SLC9D1: variants seen among roughly 807,000 people sequenced by gnomAD.
The protein encoded by SLC9D1 is putative LAG1-interacting protein.
At chr13:113,529,446 C>T in the SLC9D1 span, 5,122 of 152,038 alleles carry the variant, frequency 0.034, 121 homozygotes, top group Middle Eastern at 0.088. Flanking sequence ...GTCAGGAGAT[C>T]GAGACCATCC....
chr13:113,530,445 T>C, the SLC9D1 span: 1 of 152,204 alleles, frequency 6.6e-6, no homozygotes, highest in Admixed American at 6.5e-5. Context: ...ACTAGAAATA[T>C]ATATATGTAT....
the SLC9D1 span, among the ~76,000 whole-genome samples, chr13:113,514,919 A>G: frequency 1.3e-5 from 2 of 152,082 alleles, no homozygotes; most frequent in East Asian, 1.9e-4. Context: ...AGGTCTTGCT[A>G]TGTTACCCAG....
At chr13:113,541,562 GCC>G in the SLC9D1 span, among the ~76,000 whole-genome samples, 3 of 134,804 alleles carry the variant, frequency 2.2e-5, no homozygotes, top group East Asian at 2.2e-4. Context: ...TTGTGTGGGT[GCC>G]ATGCACACGA....
At chr13:113,503,345 T>TTAC in the SLC9D1 span, 96 of 476,168 alleles carry the variant, frequency 2.0e-4, no homozygotes, top group African/African-American at 4.3e-4. Context: ...CACTGTGTGA[T>TTAC]TGTGTGTGTG....
At chr13:113,506,810 T>A in the SLC9D1 span, among the ~76,000 whole-genome samples, 9 of 152,186 alleles carry the variant, frequency 5.9e-5, no homozygotes, top group Admixed American at 2.6e-4. Context: ...TAAAAAATAA[T>A]GTTGTATAAC....
chr13:113,543,805 C>T, the SLC9D1 span, among the ~76,000 whole-genome samples: 4 of 151,784 alleles, frequency 2.6e-5, no homozygotes, highest in African/African-American at 9.7e-5. Flanking sequence ...GACATGCTTG[C>T]CTTGTCTTCA....
chr13:113,529,483 T>A, the SLC9D1 span: 1 of 152,312 alleles, frequency 6.6e-6, no homozygotes, highest in East Asian at 1.9e-4. Flanking sequence ...ACCCCGTCTC[T>A]ACTAAAAATA....
the SLC9D1 span, chr13:113,549,571 C>T: frequency 5.6e-6 from 9 of 1,613,002 alleles, no homozygotes; most frequent in African/African-American, 4.0e-5. Context: ...GGAAGGGAAG[C>T]GTCTGTGGGG....
the SLC9D1 span, among the ~76,000 whole-genome samples, chr13:113,535,644 G>C: frequency 2.0e-5 from 3 of 152,196 alleles, no homozygotes; most frequent in African/African-American, 7.2e-5. This position sits in a 1 kb window ranked among gnomAD's most constrained non-coding sequence, Gnocchi z 4.1. Context: ...ACACACCTCC[G>C]AGAACTGCGC....
At chr13:113,500,201 T>C in the SLC9D1 span, 2 of 1,245,216 alleles carry the variant, frequency 1.6e-6, no homozygotes, top group East Asian at 5.3e-5. Context: ...TGGTTCATGG[T>C]GTCAGTATGA....
the SLC9D1 span, among the ~76,000 whole-genome samples, chr13:113,538,960 G>A: frequency 6.6e-6 from 1 of 152,222 alleles, no homozygotes; most frequent in African/African-American, 2.4e-5. Flanking sequence ...TTGTCGTCCT[G>A]TCGCTTTCTC....
chr13:113,528,110 A>G, the SLC9D1 span: 1 of 152,238 alleles, frequency 6.6e-6, no homozygotes, highest in African/African-American at 2.4e-5. Context: ...TAACACCCTC[A>G]TCAGATAACT....
the SLC9D1 span, among the ~76,000 whole-genome samples, chr13:113,537,749 C>T: frequency 1.3e-5 from 2 of 152,206 alleles, no homozygotes; most frequent in Non-Finnish European, 2.9e-5. Flanking sequence ...CTTCAGTCCA[C>T]CCAGAGGTGA....
the SLC9D1 span, among the ~76,000 whole-genome samples, chr13:113,502,368 C>T: frequency 1.3e-5 from 2 of 152,082 alleles, no homozygotes; most frequent in African/African-American, 2.4e-5. Flanking sequence ...TGCACACCAC[C>T]ACACCTGGCT....
chr13:113,513,887 C>T, the SLC9D1 span, among the ~76,000 whole-genome samples: 11 of 152,232 alleles, frequency 7.2e-5, no homozygotes, highest in East Asian at 3.9e-4. Context: ...AGGAGTCCCC[C>T]GCCAGCTCTC....
the SLC9D1 span, chr13:113,547,475 C>G: frequency 1.0e-6 from 1 of 991,046 alleles, no homozygotes; most frequent in East Asian, 2.5e-5. Flanking sequence ...ATCGGGCCTG[C>G]AGAGCCGGCC....
chr13:113,527,852 G>A, the SLC9D1 span: 1 of 152,164 alleles, frequency 6.6e-6, no homozygotes, highest in South Asian at 2.1e-4. Context: ...ACCGTCCTCG[G>A]TCCGTTTCTG....
the SLC9D1 span, among the ~76,000 whole-genome samples, chr13:113,513,247 G>A: frequency 3.3e-5 from 5 of 152,184 alleles, no homozygotes; most frequent in Non-Finnish European, 7.3e-5. Flanking sequence ...TGTGTGCCCA[G>A]TGAAAGTACC....
chr13:113,542,930 AG>A, the SLC9D1 span, among the ~76,000 whole-genome samples: 1 of 152,060 alleles, frequency 6.6e-6, no homozygotes, highest in African/African-American at 2.4e-5. Context: ...ACCATTCAGC[AG>A]GGGCTTCGTG....
Sources: allele counts gnomAD v4.1 joint callset (sites outside exome capture counted in the v4.1 genomes callset), GRCh38; gene constraint gnomAD v4.1.1; non-coding constraint Gnocchi (gnomAD v3.1); transcripts MANE v1.5; gene names NCBI Gene and HGNC (gene_info 2026-07-23, HGNC 2026-07-21).